Variants in FHIT observed in about 807,000 individuals in gnomAD.
The protein encoded by FHIT is fragile histidine triad diadenosine triphosphatase.
Under a neutral mutation model 17.9 loss-of-function variants are expected in FHIT, and 19 were observed. The ratio of observed to expected loss-of-function variants is 1.06; its 90% CI spans 0.74 to 1.56. The LOEUF (loss-of-function observed/expected upper bound fraction) is 1.56, where lower values mean the gene tolerates loss of function less well. FHIT is among the 40% of genes most tolerant of loss of function. FHIT has a pLI of 0.00. For missense variants in FHIT, 248 were observed against 189.2 expected, an observed-to-expected ratio of 1.31 and a Z score of -1.82; for synonymous variants, 81 against 69.7, an observed-to-expected ratio of 1.16 and a Z score of -0.81.
At chr3:60,789,970 A>G (rs1414665361) in intron 4 of FHIT, among the ~76,000 whole-genome samples, 1 of 152,212 alleles carries the variant, frequency 6.6e-6, no homozygotes, top group Non-Finnish European at 1.5e-5. Context: ...CAAAAAGGTC[A>G]CTTGTGGTAA....
At chr3:60,712,504 C>A (rs546907843) in intron 4 of FHIT, among the ~76,000 whole-genome samples, 2 of 151,292 alleles carry the variant, frequency 1.3e-5, no homozygotes, top group South Asian at 4.2e-4. Context: ...GAGTCAAGAC[C>A]CATCAGTGTG....
At chr3:60,334,594 T>C (rs763879233) in intron 5 of FHIT, among the ~76,000 whole-genome samples, 5 of 152,194 alleles carry the variant, frequency 3.3e-5, no homozygotes, top group East Asian at 3.9e-4. Flanking sequence ...GAGACCAGCA[T>C]GGCCAACACA....
intron 3 of FHIT, among the ~76,000 whole-genome samples, chr3:60,902,620 T>A (rs562070503): frequency 6.6e-6 from 1 of 152,202 alleles, no homozygotes; most frequent in African/African-American, 2.4e-5. Context: ...AAGTTACTGA[T>A]GGTATAATGG....
intron 3 of FHIT, among the ~76,000 whole-genome samples, chr3:61,039,796 C>T (rs904134343): frequency 2.0e-5 from 3 of 152,028 alleles, no homozygotes; most frequent in Non-Finnish European, 4.4e-5. Context: ...CACATGTATA[C>T]CTATGTAACA....
At chr3:61,097,123 C>G (rs1255700923) in intron 2 of FHIT, among the ~76,000 whole-genome samples, 8 of 150,786 alleles carry the variant, frequency 5.3e-5, no homozygotes, top group Non-Finnish European at 1.2e-4. Context: ...CCAAGATGGC[C>G]GAATAGGAAC....
rs188670023 is a variant in FHIT at position 60,253,891 on chromosome 3, C to T, written c.104-239739G>A. On this transcript the variant is annotated intron_variant, in intron 5 of 9. Transcript: ENST00000492590. ...TAAATATATTTGATTGTTATATAGC[C>T]TCAAATGGGCCAGCACTTACTTGTG... Among the ~76,000 whole-genome samples the T allele has an allele frequency of 9.0e-4, 137 of 152,278 alleles. 2 individuals are homozygous for T. The highest frequency in any genetic ancestry group is 3.4e-3 in the Middle Eastern group (1 of 294).
intron 4 of FHIT, among the ~76,000 whole-genome samples, chr3:60,692,370 G>A (rs1002742214): frequency 1.3e-5 from 2 of 152,176 alleles, no homozygotes; most frequent in African/African-American, 2.4e-5. Context: ...AATTAAGGTA[G>A]CAGATAGAAT....
At chr3:61,151,340 TC>T (rs1240069009) in intron 2 of FHIT, among the ~76,000 whole-genome samples, 2 of 152,190 alleles carry the variant, frequency 1.3e-5, no homozygotes, top group Non-Finnish European at 2.9e-5. Flanking sequence ...TTTAAGTAAG[TC>T]CCACTCATTT....
chr3:60,788,431 A>G (rs1348557652), intron 4 of FHIT, among the ~76,000 whole-genome samples: 1 of 152,202 alleles, frequency 6.6e-6, no homozygotes, highest in Non-Finnish European at 1.5e-5. Flanking sequence ...ATCAGGATCA[A>G]CTATATATAT....
intron 4 of FHIT, among the ~76,000 whole-genome samples, chr3:60,820,308 AAAAG>A (rs1435774186): frequency 1.3e-5 from 2 of 152,214 alleles, no homozygotes; most frequent in Non-Finnish European, 2.9e-5. Flanking sequence ...TCCATTTCAA[AAAAG>A]AAAGCCCTCC....
At chr3:60,880,078 T>C (rs1173677754) in intron 3 of FHIT, among the ~76,000 whole-genome samples, 1 of 152,144 alleles carries the variant, frequency 6.6e-6, no homozygotes, top group Non-Finnish European at 1.5e-5. Context: ...ATGCACATTA[T>C]AGTTCAATTG....
intron 8 of FHIT, among the ~76,000 whole-genome samples, chr3:59,848,417 T>C (rs565420815): frequency 1.1e-4 from 17 of 152,172 alleles, no homozygotes; most frequent in Non-Finnish European, 2.2e-4. Flanking sequence ...CCTATGTTTA[T>C]AGGGAAAGAA....
At chr3:60,446,956 G>C (rs1037776344) in intron 5 of FHIT, among the ~76,000 whole-genome samples, 1 of 151,566 alleles carries the variant, frequency 6.6e-6, no homozygotes. Flanking sequence ...TTAGGTCTTG[G>C]TTCCTCTGAA....
chr3:60,310,524 CA>C lies in FHIT; in HGVS notation c.103+226335del, dbSNP rs1490106912. ...CAGTACTGATAAAAGAGGAACAGAC[CA>C]AAAAGGCACAGGTGCAGGAGGTGAC... On this transcript the variant is annotated intron_variant, in intron 5 of 9. Transcript: ENST00000492590. 2.0e-5 allele frequency among the ~76,000 whole-genome samples: 3 copies of C among 151,786 alleles called. No homozygotes were observed. The East Asian group carries it at 5.8e-4, about 29-fold the overall frequency.
intron 5 of FHIT, among the ~76,000 whole-genome samples, chr3:60,093,452 A>G (rs1276847858): frequency 6.6e-6 from 1 of 152,142 alleles, no homozygotes; most frequent in Admixed American, 6.5e-5. Flanking sequence ...CTATTTTAAC[A>G]TCAGCTATTG....
intron 2 of FHIT, among the ~76,000 whole-genome samples, chr3:61,043,287 G>A (rs951706947): frequency 1.3e-5 from 2 of 152,166 alleles, no homozygotes; most frequent in African/African-American, 4.8e-5. Context: ...CTTAGCAAAT[G>A]GCACACCAGG....
chr3:59,767,946 C>T, intron 8 of FHIT, among the ~76,000 whole-genome samples: 1 of 152,136 alleles, frequency 6.6e-6, no homozygotes, highest in East Asian at 1.9e-4. Flanking sequence ...CTTTTGCATA[C>T]AGAATGTTAT....
At chr3:60,158,164 C>T (rs745317322) in intron 5 of FHIT, among the ~76,000 whole-genome samples, 10 of 152,150 alleles carry the variant, frequency 6.6e-5, no homozygotes, top group Non-Finnish European at 1.0e-4. Context: ...ACACATATAG[C>T]TGGGCCTCAC....
At chr3:60,604,545 C>G (rs1450015436) in intron 4 of FHIT, among the ~76,000 whole-genome samples, 1 of 152,186 alleles carries the variant, frequency 6.6e-6, no homozygotes, top group Non-Finnish European at 1.5e-5. Context: ...ATAACATACT[C>G]AAGAATATTG....
Sources: allele counts gnomAD v4.1 joint callset (sites outside exome capture counted in the v4.1 genomes callset), GRCh38; gene constraint gnomAD v4.1.1; transcripts MANE v1.5; gene names NCBI Gene and HGNC (gene_info 2026-07-23, HGNC 2026-07-21).